The following CHIC2 variants were observed in gnomAD, a reference collection of about 807,000 sequenced individuals.
The protein encoded by CHIC2 is cysteine rich hydrophobic domain 2, also known as cysteine-rich hydrophobic domain-containing protein 2.
A neutral mutation model predicts 25.9 loss-of-function variants in CHIC2; 14 were observed. The ratio of observed to expected loss-of-function variants is 0.54; its 90% confidence interval spans 0.36 to 0.85. The LOEUF (loss-of-function observed/expected upper bound fraction) is 0.85. Among genes scored for constraint, CHIC2 ranks in the 40% least tolerant of loss-of-function variants. The pLI is 0.01. For synonymous variants in CHIC2, 70 were observed against 72.0 expected (o/e 0.97, Z 0.14); for missense variants, 146 against 202.0 (o/e 0.72, Z 1.68).
chr4:54,073,707 G>T, the CHIC2 span, among the ~76,000 whole-genome samples: 1 of 152,154 alleles, frequency 6.6e-6, no homozygotes, highest in African/African-American at 2.4e-5. Flanking sequence ...GTTGTTTTAA[G>T]CTACCAAGTT....
At chr4:54,057,731 A>T (rs970209519) in intron 1 of CHIC2, among the ~76,000 whole-genome samples, 5 of 152,234 alleles carry the variant, frequency 3.3e-5, no homozygotes, top group African/African-American at 1.2e-4. Context: ...ATTACTTATC[A>T]GGAAACCTCA....
At chr4:54,088,305 G>A in the CHIC2 span, among the ~76,000 whole-genome samples, 1 of 152,080 alleles carries the variant, frequency 6.6e-6, no homozygotes, top group Non-Finnish European at 1.5e-5. Flanking sequence ...TTGTTTCATG[G>A]TTTTTGCATT....
At position 54,009,951 on chromosome 4, in the gene CHIC2, A is replaced by AT. The variant is rs1290345435; in HGVS notation, c.*143dup. 1.0e-3 allele frequency: 517 copies of AT among 516,910 alleles called. 3 individuals are homozygous for AT. The highest frequency in any genetic ancestry group is 9.6e-3 in the African/African-American group (456 of 47,740). The allele number at this position is 516,910 out of a possible 1,614,324, so 32.0% of individuals were successfully genotyped here. ...AAATGCACACTTAGAACATGCGGTT[A>AT]TTTAAAAAAAAAACAAAAACAAAAA... On this transcript the variant is annotated 3_prime_UTR_variant, in exon 6 of 6. Coordinates refer to ENST00000263921, the MANE Select transcript of CHIC2 (RefSeq NM_012110.4).
chr4:54,087,484 A>G, the CHIC2 span: 269 of 871,106 alleles, frequency 3.1e-4, no homozygotes, highest in Non-Finnish European at 4.2e-4. Context: ...GAATAAAAGA[A>G]TATTTCGACG....
chr4:54,028,850 C>A (rs538599602), intron 3 of CHIC2, among the ~76,000 whole-genome samples: 198 of 152,240 alleles, frequency 1.3e-3, no homozygotes, highest in South Asian at 7.0e-3. Flanking sequence ...ATCGACTGGG[C>A]GCAGCGGCTC....
the CHIC2 span, among the ~76,000 whole-genome samples, chr4:54,072,195 C>G: frequency 2.6e-5 from 4 of 151,370 alleles, no homozygotes; most frequent in African/African-American, 9.7e-5. Flanking sequence ...CCCAGCTATT[C>G]GGGAGGCTGA....
intron 3 of CHIC2, among the ~76,000 whole-genome samples, chr4:54,040,152 C>T (rs1054747796): frequency 5.9e-5 from 9 of 151,914 alleles, no homozygotes; most frequent in African/African-American, 1.7e-4. Context: ...AAACTCTATG[C>T]GTTTATCAAA....
At chr4:54,079,723 T>A in the CHIC2 span, among the ~76,000 whole-genome samples, 1 of 152,048 alleles carries the variant, frequency 6.6e-6, no homozygotes, top group Admixed American at 6.5e-5. Flanking sequence ...GGATATCACT[T>A]CACACCTGTT....
At chr4:54,034,574 TTG>T (rs1222130769) in intron 3 of CHIC2, among the ~76,000 whole-genome samples, 6 of 152,158 alleles carry the variant, frequency 3.9e-5, no homozygotes, top group African/African-American at 1.4e-4. Flanking sequence ...TACTTAAAAA[TTG>T]TTTTTCATTT....
the CHIC2 span, among the ~76,000 whole-genome samples, chr4:54,075,057 G>A: frequency 2.0e-5 from 3 of 152,178 alleles, 1 homozygote; most frequent in African/African-American, 7.2e-5. Context: ...GCTGCAGTGA[G>A]CTGTGATTGT....
At chr4:54,058,195 T>C (rs1169105067) in intron 1 of CHIC2, among the ~76,000 whole-genome samples, 5 of 152,144 alleles carry the variant, frequency 3.3e-5, no homozygotes, top group Admixed American at 1.3e-4. Flanking sequence ...ACCAAAAAAA[T>C]GTGCATGCAG....
At chr4:54,068,687 G>C (rs1212629079), upstream of CHIC2, among the ~76,000 whole-genome samples, 2 of 152,148 alleles carry the variant, frequency 1.3e-5, no homozygotes, top group Non-Finnish European at 2.9e-5. Flanking sequence ...GATGTGTTGG[G>C]GGGTTTTCTC....
chr4:54,080,974 ATATATATATAT>A, the CHIC2 span, among the ~76,000 whole-genome samples: 1 of 125,550 alleles, frequency 8.0e-6, no homozygotes, highest in South Asian at 2.3e-4. Flanking sequence ...ATATATATAT[ATATATATATAT>A]AAAATCATCA....
intron 3 of CHIC2, among the ~76,000 whole-genome samples, chr4:54,024,500 T>C (rs1220822337): frequency 6.6e-6 from 1 of 152,188 alleles, no homozygotes; most frequent in Non-Finnish European, 1.5e-5. Flanking sequence ...CACTCTCTCC[T>C]AGCCATTTCT....
At chr4:54,088,730 G>A in the CHIC2 span, among the ~76,000 whole-genome samples, 1 of 152,186 alleles carries the variant, frequency 6.6e-6, no homozygotes, top group African/African-American at 2.4e-5. Flanking sequence ...GTAGAGGCAA[G>A]TATAGGAAGA....
intron 1 of CHIC2, among the ~76,000 whole-genome samples, chr4:54,055,256 A>G (rs1318709782): frequency 2.0e-5 from 3 of 152,146 alleles, no homozygotes; most frequent in Non-Finnish European, 4.4e-5. Flanking sequence ...TTATAGGTAC[A>G]TGCCACCATA....
At chr4:54,060,113 C>A (rs1717286957) in intron 1 of CHIC2, 1 of 152,172 alleles carries the variant, frequency 6.6e-6, no homozygotes, top group Non-Finnish European at 1.5e-5. Flanking sequence ...AATACTGACA[C>A]ATTTCAAGAC....
chr4:54,072,788 C>T, the CHIC2 span, among the ~76,000 whole-genome samples: 1 of 151,998 alleles, frequency 6.6e-6, no homozygotes, highest in Non-Finnish European at 1.5e-5. Flanking sequence ...TTAAGATGTG[C>T]GCGTCTGGGC....
At chr4:54,048,801 T>C (rs1460269853) in intron 3 of CHIC2, 154 bp downstream of exon 3, 2 of 566,722 alleles carry the variant, frequency 3.5e-6, no homozygotes, top group Non-Finnish European at 5.8e-6. Flanking sequence ...GGATATATAG[T>C]AACTTTACTG....
Sources: allele counts gnomAD v4.1 joint callset (sites outside exome capture counted in the v4.1 genomes callset), GRCh38; gene constraint gnomAD v4.1.1; transcripts MANE v1.5; gene names NCBI Gene and HGNC (gene_info 2026-07-23, HGNC 2026-07-21).